The following RALGPS1 variants were observed in gnomAD, a reference collection of about 807,000 sequenced individuals.
RALGPS1 encodes Ral GEF with PH domain and SH3 binding motif 1, also known as ras-specific guanine nucleotide-releasing factor RalGPS1.
A neutral mutation model predicts 78.8 loss-of-function variants in RALGPS1; 19 were observed. The observed-to-expected ratio is 0.24, with a 90% confidence interval of 0.17 to 0.35. The LOEUF (loss-of-function observed/expected upper bound fraction) is 0.35, where lower values mean the gene tolerates loss of function less well. Ranked by LOEUF, RALGPS1 falls within the 10% of genes least tolerant of loss-of-function variation. RALGPS1 has a pLI of 1.00. For synonymous variants in RALGPS1, 228 were observed against 256.3 expected (o/e 0.89, Z 1.06); for missense variants, 454 against 688.3 (o/e 0.66, Z 3.81).
At chr9:127,096,084 C>A (rs1407729707) in intron 8 of RALGPS1, among the ~76,000 whole-genome samples, 1 of 152,218 alleles carries the variant, frequency 6.6e-6, no homozygotes, top group Non-Finnish European at 1.5e-5. Context: ...ATGCTCCCCA[C>A]CCCAGGGTAG....
intron 4 of RALGPS1, among the ~76,000 whole-genome samples, chr9:127,009,246 C>T (rs772850652): frequency 1.3e-5 from 2 of 152,186 alleles, no homozygotes; most frequent in Non-Finnish European, 2.9e-5. Context: ...CATTGTGGGC[C>T]CTTTAGCTCA....
intron 3 of RALGPS1, among the ~76,000 whole-genome samples, chr9:126,974,834 G>A (rs1202069442): frequency 6.6e-6 from 1 of 152,054 alleles, no homozygotes; most frequent in Non-Finnish European, 1.5e-5. Context: ...CCTAGAAAAT[G>A]CCTTTTCTCT....
intron 4 of RALGPS1, among the ~76,000 whole-genome samples, chr9:127,010,565 AAT>A (rs1296319572): frequency 2.0e-5 from 3 of 152,150 alleles, no homozygotes; most frequent in Non-Finnish European, 4.4e-5. Flanking sequence ...CACTTGTCCT[AAT>A]ATGTCATTTG....
Position 126,962,244 on chromosome 9 carries a change from T to C in RALGPS1, c.-46T>C. The C allele has an allele frequency of 6.2e-7, 1 of 1,601,774 alleles. No homozygotes were observed. The highest frequency in any genetic ancestry group is 2.2e-5 in the East Asian group (1 of 44,740). Reference sequence around the variant, plus strand: ...TTGCAGGACTTCTCCAGACAGGTTATGTTACCTGCAGAGGCTGCCCTGAAG... The same window carrying C: ...TTGCAGGACTTCTCCAGACAGGTTACGTTACCTGCAGAGGCTGCCCTGAAG... On this transcript the variant is annotated 5_prime_UTR_variant, in exon 2 of 19. It removes an upstream start codon present in the reference 5' UTR. Transcript: ENST00000259351.
At chr9:127,056,964 G>A (rs1056556501) in intron 7 of RALGPS1, among the ~76,000 whole-genome samples, 5 of 152,176 alleles carry the variant, frequency 3.3e-5, no homozygotes, top group Non-Finnish European at 7.3e-5. Flanking sequence ...GGTGCAGGTG[G>A]CATTGGAAGA....
chr9:126,964,104 TC>T (rs765142274), intron 2 of RALGPS1, among the ~76,000 whole-genome samples: 2 of 151,978 alleles, frequency 1.3e-5, no homozygotes, highest in Non-Finnish European at 2.9e-5. Flanking sequence ...ATGCTTGTAA[TC>T]CCAGCACTTT....
intron 1 of RALGPS1, among the ~76,000 whole-genome samples, chr9:126,943,622 G>A (rs947131359): frequency 6.6e-6 from 1 of 152,172 alleles, no homozygotes; most frequent in Non-Finnish European, 1.5e-5. Context: ...TCCGTGGAAT[G>A]TGGGCTGACC....
At chr9:127,163,933 C>G (rs1300362505) in intron 8 of RALGPS1, among the ~76,000 whole-genome samples, 4 of 152,006 alleles carry the variant, frequency 2.6e-5, no homozygotes, top group African/African-American at 9.7e-5. Flanking sequence ...GGTCAGAACC[C>G]ATAAGTTTTG....
At chr9:126,931,876 A>G (rs1054014855) in intron 1 of RALGPS1, among the ~76,000 whole-genome samples, 2 of 152,182 alleles carry the variant, frequency 1.3e-5, no homozygotes, top group Non-Finnish European at 2.9e-5. Context: ...CCATCATCTC[A>G]TTGTCAATAC....
At chr9:127,179,864 C>T (rs2060109568) in intron 11 of RALGPS1, among the ~76,000 whole-genome samples, 2 of 152,200 alleles carry the variant, frequency 1.3e-5, no homozygotes, top group Admixed American at 6.5e-5. Flanking sequence ...GCCCAGGTCT[C>T]GCCCTTTGAG....
intron 4 of RALGPS1, among the ~76,000 whole-genome samples, chr9:127,030,991 C>A (rs1337428386): frequency 6.6e-6 from 1 of 152,176 alleles, no homozygotes; most frequent in Non-Finnish European, 1.5e-5. Context: ...CCCCTCACAT[C>A]CAGTCAGCTC....
intron 8 of RALGPS1, among the ~76,000 whole-genome samples, chr9:127,119,432 A>C (rs1245700361): frequency 6.6e-6 from 1 of 152,202 alleles, no homozygotes; most frequent in African/African-American, 2.4e-5. Context: ...GTGTCTAAAC[A>C]AGGCACTGAA....
At chr9:127,033,688 C>T (rs1296600016) in intron 4 of RALGPS1, among the ~76,000 whole-genome samples, 2 of 152,228 alleles carry the variant, frequency 1.3e-5, no homozygotes, top group East Asian at 3.8e-4. Context: ...ATGATGGCTT[C>T]TCCTTGGTCC....
chr9:126,960,168 CTCCCTCCCTCCCTCCCTCCCTCCCTTCCT>C (rs1246674858), intron 1 of RALGPS1, among the ~76,000 whole-genome samples: 1 of 89,188 alleles, frequency 1.1e-5, no homozygotes, highest in Non-Finnish European at 2.2e-5. Flanking sequence ...CCTTCCTTCC[CTCCCTCCCTCCCTCCCTCCCTCCCTTCCT>C]TCCCTCCCTC....
At position 127,123,190 on chromosome 9, in the gene RALGPS1, G is replaced by A. The variant is rs1451354789; in HGVS notation, c.611-42879G>A. Among the ~76,000 whole-genome samples, 4 of 152,206 alleles carry A rather than the reference G, an allele frequency of 2.6e-5. No homozygotes were observed. In the East Asian group the frequency reaches 7.7e-4, roughly 29 times the overall value. On this transcript the variant is annotated intron_variant, in intron 8 of 18. Coordinates refer to ENST00000259351, the MANE Select transcript of RALGPS1 (RefSeq NM_014636.3). Reference sequence around the variant, plus strand: ...CTCATTCTCATCTCTAAACCCTGGGGAAAGGAGTCCAAGGCTGTCCACACA... The same window carrying A: ...CTCATTCTCATCTCTAAACCCTGGGAAAAGGAGTCCAAGGCTGTCCACACA...
intron 4 of RALGPS1, among the ~76,000 whole-genome samples, chr9:126,985,029 C>T (rs777307544): frequency 7.2e-5 from 11 of 152,356 alleles, no homozygotes; most frequent in Non-Finnish European, 7.3e-5. Context: ...TCTCAACTTA[C>T]TCCTTGTCAT....
At chr9:126,931,863 C>T (rs902647570) in intron 1 of RALGPS1, among the ~76,000 whole-genome samples, 3 of 151,990 alleles carry the variant, frequency 2.0e-5, no homozygotes, top group African/African-American at 7.3e-5. Flanking sequence ...AAGAAAGAAC[C>T]AGCCATCATC....
intron 8 of RALGPS1, among the ~76,000 whole-genome samples, chr9:127,159,468 C>A (rs2058893691): frequency 6.6e-6 from 1 of 152,204 alleles, no homozygotes; most frequent in South Asian, 2.1e-4. Context: ...GAAAGCGTGG[C>A]CTCTGACCAC....
intron 8 of RALGPS1, among the ~76,000 whole-genome samples, chr9:127,111,995 C>A (rs1271697147): frequency 6.6e-6 from 1 of 152,224 alleles, no homozygotes; most frequent in Non-Finnish European, 1.5e-5. Flanking sequence ...TCCCTGAACC[C>A]CTTTGGGGGC....
Sources: gnomAD v4.1 joint callset for allele counts (sites outside exome capture counted in the v4.1 genomes callset) on GRCh38, gnomAD v4.1.1 for gene constraint, MANE v1.5 for transcripts, NCBI Gene and HGNC (gene_info 2026-07-23, HGNC 2026-07-21) for gene names.